The following MACROD2 variants were observed in gnomAD, a reference collection of about 807,000 sequenced individuals.
MACROD2 encodes the protein ADP-ribose glycohydrolase MACROD2.
A neutral mutation model predicts 70.4 loss-of-function variants in MACROD2; 36 were observed. The observed-to-expected ratio is 0.51, with a 90% CI of 0.39 to 0.68. MACROD2 has a LOEUF of 0.68. MACROD2 is among the 30% of genes least tolerant of loss of function. MACROD2 has a pLI of 0.00. For synonymous variants in MACROD2, 172 were observed against 178.8 expected (o/e 0.96, Z 0.30); for missense variants, 496 against 538.4 (o/e 0.92, Z 0.78).
intron 3 of MACROD2, among the ~76,000 whole-genome samples, chr20:14,383,173 A>G (rs1950693247): frequency 6.6e-6 from 1 of 152,226 alleles, no homozygotes; most frequent in African/African-American, 2.4e-5. Flanking sequence ...CAAACAGCTA[A>G]GTACCAATTG....
At chr20:15,827,419 TTC>T (rs2064009088) in intron 8 of MACROD2, among the ~76,000 whole-genome samples, 4 of 152,302 alleles carry the variant, frequency 2.6e-5, no homozygotes, top group African/African-American at 4.8e-5. Flanking sequence ...AAGTCTACTC[TTC>T]ATAGGAAATA....
At chr20:14,579,180 GC>G in intron 4 of MACROD2, among the ~76,000 whole-genome samples, 1 of 127,400 alleles carries the variant, frequency 7.8e-6, no homozygotes, top group South Asian at 2.7e-4. Context: ...TGTCGCCCAG[GC>G]CGGACTGCGG....
In MACROD2 at chr20:15,991,050, G is replaced by A. The variant is rs1287989111; in HGVS notation, c.1153+3892G>A. On this transcript the variant is annotated intron_variant, in intron 15 of 17. Coordinates refer to ENST00000684519, the MANE Select transcript of MACROD2 (RefSeq NM_001351661.2). ...TGATAAAAATATAGAGGTGCCCTAG[G>A]CCAGGCAAAAAAAAATCAGCCAAAT... Among the ~76,000 whole-genome samples, 3 of 85,852 alleles carry A rather than the reference G, an allele frequency of 3.5e-5. No homozygotes were observed. The East Asian group carries it at 9.9e-4, about 28-fold the overall frequency. 56.3% of individuals were successfully genotyped at this position (85,852 alleles called of 152,430 possible). A position where few individuals can be genotyped will look rare whatever the true frequency, so the allele number is the denominator to read the frequency against.
chr20:15,189,998 G>A (rs932467577), intron 5 of MACROD2, among the ~76,000 whole-genome samples: 1 of 152,212 alleles, frequency 6.6e-6, no homozygotes. Flanking sequence ...ATGAAAAATG[G>A]CCTCTCTTCT....
intron 4 of MACROD2, among the ~76,000 whole-genome samples, chr20:14,578,039 CT>C (rs1980729795): frequency 2.0e-5 from 3 of 151,956 alleles, no homozygotes; most frequent in African/African-American, 7.2e-5. Context: ...ACCTGTTGTT[CT>C]TTCTAGTCTA....
chr20:14,788,572 T>A (rs2072403455), intron 5 of MACROD2, among the ~76,000 whole-genome samples: 1 of 81,778 alleles, frequency 1.2e-5, no homozygotes, highest in Non-Finnish European at 2.2e-5. Flanking sequence ...CAAAGTGAGA[T>A]CACATCTCAA....
chr20:14,682,902 G>A (rs967386013), intron 4 of MACROD2, among the ~76,000 whole-genome samples: 6 of 151,614 alleles, frequency 4.0e-5, no homozygotes, highest in Non-Finnish European at 7.4e-5. Context: ...TTTTTGAGAC[G>A]GAGTTTCACT....
chr20:15,699,413 C>A (rs987785843), intron 8 of MACROD2, among the ~76,000 whole-genome samples: 2 of 152,146 alleles, frequency 1.3e-5, no homozygotes, highest in African/African-American at 4.8e-5. Flanking sequence ...TGCACAGAGT[C>A]CTGTGATGTG....
rs71340214 is a variant in MACROD2, at chr20:15,301,591, C to CTTTTTTTTTTTTTTT, written c.540+71539_540+71553dup. On this transcript the variant is annotated intron_variant, in intron 6 of 17. Transcript: ENST00000684519. ...GGAAGTTAGTAAGATGGTAGGTGGCCTTTTTTTTTTTTTTTTTTTTTTTGT... is the reference window on the plus strand; with the variant it reads ...GGAAGTTAGTAAGATGGTAGGTGGCCTTTTTTTTTTTTTTTTTTTTTTTTTTTTTTTTTTTTTTGT... Among the ~76,000 whole-genome samples the CTTTTTTTTTTTTTTT allele has an allele frequency of 1.2e-3, 100 of 81,246 alleles. 11 individuals are homozygous for CTTTTTTTTTTTTTTT. Among genetic ancestry groups the CTTTTTTTTTTTTTTT allele is most frequent in the African/African-American group, 2.9e-3 (61 of 21,384 alleles). 53.3% of individuals were successfully genotyped at this position (81,246 alleles called of 152,430 possible).
intron 8 of MACROD2, among the ~76,000 whole-genome samples, chr20:15,621,048 G>A (rs2049117715): frequency 6.6e-6 from 1 of 152,170 alleles, no homozygotes; most frequent in Non-Finnish European, 1.5e-5. Context: ...ATCTGGCCCA[G>A]AAGGGAATGT....
rs890744457 is a variant in MACROD2 at position 14,892,347 on chromosome 20, C to T, written c.418+207388C>T. Among the ~76,000 whole-genome samples the T allele has an allele frequency of 2.2e-4, 33 of 151,942 alleles. 1 individual carries two copies. Among genetic ancestry groups the T allele is most frequent in the African/African-American group, 3.1e-4 (13 of 41,432 alleles). On this transcript the variant is annotated intron_variant, in intron 5 of 17. Transcript: ENST00000684519. ...AAAATTAGCCGGGCTTGGTGGTGCA[C>T]GCCTGTAATCCCAGCTACTCAGGAG...
At chr20:14,591,275 AT>A (rs1321053531) in intron 4 of MACROD2, among the ~76,000 whole-genome samples, 1 of 152,116 alleles carries the variant, frequency 6.6e-6, no homozygotes, top group East Asian at 1.9e-4. Flanking sequence ...TTTCTCCCTC[AT>A]TGCTTTCTTT....
rs56202220 is a variant in MACROD2, at chr20:15,256,770, A to G, written c.540+26709A>G. On this transcript the variant is annotated intron_variant, in intron 6 of 17. Coordinates refer to ENST00000684519, the MANE Select transcript of MACROD2 (RefSeq NM_001351661.2). ...TTTAGTGAAATGGCATGGATATGGT[A>G]TACTTGGATTTATTTGGAAATGACA... is the stretch of plus-strand genomic sequence containing the variant. 8.5e-3 allele frequency among the ~76,000 whole-genome samples: 1,292 copies of G among 152,144 alleles called. 13 individuals are homozygous for G. The highest frequency in any genetic ancestry group is 0.013 in the Non-Finnish European group (916 of 67,964).
At chr20:14,395,957 A>G (rs1364668922) in intron 3 of MACROD2, among the ~76,000 whole-genome samples, 2 of 152,172 alleles carry the variant, frequency 1.3e-5, no homozygotes, top group African/African-American at 2.4e-5. Context: ...GTATCTCTAC[A>G]ATGCCCAAGG....
At chr20:14,177,245 A>G (rs551547173) in intron 3 of MACROD2, among the ~76,000 whole-genome samples, 52 of 152,078 alleles carry the variant, frequency 3.4e-4, no homozygotes, top group African/African-American at 1.2e-3. Context: ...AGAGAAAACT[A>G]CAAGTGATGG....
intron 5 of MACROD2, among the ~76,000 whole-genome samples, chr20:15,180,146 C>T (rs900818977): frequency 9.2e-5 from 14 of 152,182 alleles, no homozygotes; most frequent in African/African-American, 3.1e-4. Flanking sequence ...TTAACCCCCT[C>T]TTTGAAGGCC....
intron 5 of MACROD2, among the ~76,000 whole-genome samples, chr20:14,696,844 A>G (rs1187364073): frequency 1.3e-5 from 2 of 152,172 alleles, no homozygotes; most frequent in African/African-American, 4.8e-5. Flanking sequence ...TTCTGATATT[A>G]TGGCATGTGA....
intron 16 of MACROD2, among the ~76,000 whole-genome samples, chr20:16,043,500 T>C (rs957951417): frequency 6.6e-6 from 1 of 152,094 alleles, no homozygotes; most frequent in African/African-American, 2.4e-5. Context: ...AAAATATCAA[T>C]CTAATTAAAC....
chr20:15,382,754 A>G (rs1243962476), intron 6 of MACROD2, among the ~76,000 whole-genome samples: 1 of 152,208 alleles, frequency 6.6e-6, no homozygotes, highest in African/African-American at 2.4e-5. Flanking sequence ...ATTTCTCATC[A>G]GTGGCATGGA....
Sources: gnomAD v4.1 joint callset for allele counts (sites outside exome capture counted in the v4.1 genomes callset) on GRCh38, gnomAD v4.1.1 for gene constraint, MANE v1.5 for transcripts, NCBI Gene and HGNC (gene_info 2026-07-23, HGNC 2026-07-21) for gene names.